Variants in CFAP161 observed in about 807,000 individuals in gnomAD.
The protein encoded by CFAP161 is cilia and flagella associated protein 161.
CFAP161 carries 25 observed loss-of-function variants against 29.0 expected under a neutral mutation model. The ratio of observed to expected loss-of-function variants is 0.86; its 90% CI spans 0.63 to 1.20. CFAP161 has a LOEUF of 1.20. Ranked by LOEUF, CFAP161 falls within the 50% of genes most tolerant of loss-of-function variation. The probability of loss-of-function intolerance (pLI) is 0.00; values close to 1 mark genes in which losing one functional copy is unlikely to be tolerated. For missense variants in CFAP161, 367 were observed against 371.9 expected, an observed-to-expected ratio of 0.99 and a Z score of 0.11; for synonymous variants, 116 against 137.4, an observed-to-expected ratio of 0.84 and a Z score of 1.09.
intron 1 of CFAP161, among the ~76,000 whole-genome samples, chr15:81,122,906 C>A (rs1373996349): frequency 6.6e-6 from 1 of 151,870 alleles, no homozygotes; most frequent in East Asian, 1.9e-4. Flanking sequence ...CTTGTAAGTT[C>A]TCGATTAAGT....
upstream of CFAP161, among the ~76,000 whole-genome samples, chr15:81,131,958 TA>T (rs368464268): frequency 1.9e-4 from 29 of 152,142 alleles, no homozygotes; most frequent in Non-Finnish European, 3.5e-4. Context: ...AAAATAAGAT[TA>T]ATAGCTGATT....
rs186736910 is a variant in CFAP161 at position 81,143,583 on chromosome 15, C to T, written c.478-79C>T. 29 of 1,458,116 alleles carry T rather than the reference C, an allele frequency of 2.0e-5. No individual in the cohort carries two copies. The Admixed American group carries it at 3.9e-4, about 20-fold the overall frequency. 90.3% of individuals were successfully genotyped at this position (1,458,116 alleles called of 1,614,324 possible). On this transcript the variant is annotated intron_variant, in intron 4 of 6. Coordinates refer to ENST00000286732, the MANE Select transcript of CFAP161 (RefSeq NM_173528.4). Reference sequence around the variant, plus strand: ...GAACTGCTTTGAATGTGCTTGCCGTCCAGCCAGTCAATTGCTTCTTTATTC... The same window carrying T: ...GAACTGCTTTGAATGTGCTTGCCGTTCAGCCAGTCAATTGCTTCTTTATTC...
intron 1 of CFAP161, among the ~76,000 whole-genome samples, chr15:81,110,337 TCA>T (rs369828449): frequency 2.0e-3 from 298 of 152,228 alleles, no homozygotes; most frequent in African/African-American, 6.8e-3. Flanking sequence ...AACGAAAATA[TCA>T]GTTAAAGGTC....
rs199789346 is a variant in CFAP161, at chr15:81,112,194, GT to G, written c.-141-15384del. ...AGCCGAGTGAAAGGAGCTTCAATCTGTTTTTTTTTTTTCTTTACTACACTGT... is the reference window on the plus strand; with the variant it reads ...AGCCGAGTGAAAGGAGCTTCAATCTGTTTTTTTTTTTCTTTACTACACTGT... On this transcript the variant is annotated intron_variant, in intron 1 of 4. Coordinates refer to the CFAP161 transcript ENST00000560091. Among the ~76,000 whole-genome samples, 1,183 of 144,520 alleles carry G rather than the reference GT, an allele frequency of 8.2e-3. 7 individuals are homozygous for G. The highest frequency in any genetic ancestry group is 0.02 in the African/African-American group (810 of 39,962). The allele number at this position is 144,520 out of a possible 152,430, so 94.8% of individuals were successfully genotyped here. A position where few individuals can be genotyped will look rare whatever the true frequency, so the allele number is the denominator to read the frequency against.
chr15:81,134,199 T>G, upstream of CFAP161: 1 of 1,119,832 alleles, frequency 8.9e-7, no homozygotes, highest in South Asian at 1.6e-5. Context: ...AGGGCGAGGG[T>G]GCGCGCTGTC....
At chr15:81,138,449 A>G (rs1185084011) in intron 4 of CFAP161, among the ~76,000 whole-genome samples, 1 of 152,284 alleles carries the variant, frequency 6.6e-6, no homozygotes, top group Non-Finnish European at 1.5e-5. Flanking sequence ...GAATTCATTA[A>G]TAACCATCTG....
chr15:81,100,777 A>G (rs576321857), intron 1 of CFAP161, among the ~76,000 whole-genome samples: 5 of 151,382 alleles, frequency 3.3e-5, no homozygotes, highest in Non-Finnish European at 1.5e-5. Flanking sequence ...GGTTCAGGCA[A>G]TCCTCCTGCC....
intron 1 of CFAP161, among the ~76,000 whole-genome samples, chr15:81,102,510 A>T (rs904931995): frequency 1.3e-5 from 2 of 152,160 alleles, no homozygotes; most frequent in South Asian, 2.1e-4. Context: ...CTCTACAAAA[A>T]AAAAAATAAA....
intron 1 of CFAP161, among the ~76,000 whole-genome samples, chr15:81,112,056 A>T (rs1894445098): frequency 6.6e-6 from 1 of 152,188 alleles, no homozygotes; most frequent in Non-Finnish European, 1.5e-5. Flanking sequence ...TTTCACACCT[A>T]TTAACATATT....
At chr15:81,129,983 T>A (rs1238831019), upstream of CFAP161, among the ~76,000 whole-genome samples, 1 of 152,082 alleles carries the variant, frequency 6.6e-6, no homozygotes, top group Admixed American at 6.6e-5. Flanking sequence ...AATCTGTTGT[T>A]TAGTGCAGCC....
intron 1 of CFAP161, among the ~76,000 whole-genome samples, chr15:81,112,936 C>T (rs1163565892): frequency 6.6e-6 from 1 of 152,126 alleles, no homozygotes; most frequent in Non-Finnish European, 1.5e-5. Flanking sequence ...AATTGCACAG[C>T]ATCCAATAAT....
rs1895052855 is a variant in CFAP161, at chr15:81,148,643, ACT to A, written c.*115_*116del. The A allele has an allele frequency of 2.0e-6, 2 of 992,264 alleles. No homozygotes were observed. The highest frequency in any genetic ancestry group is 2.9e-6 in the Non-Finnish European group (2 of 690,902). The allele number at this position is 992,264 out of a possible 1,614,324, so 61.5% of individuals were successfully genotyped here. On this transcript the variant is annotated 3_prime_UTR_variant, in exon 7 of 7. Transcript: ENST00000286732. Reference sequence around the variant, plus strand: ...AAGCTATTTTTGAATCAGATGTGGGACTCTCTGGGCACTATATTAAAATAAAG... The same window carrying A: ...AAGCTATTTTTGAATCAGATGTGGGACTCTGGGCACTATATTAAAATAAAG...
At chr15:81,131,002 A>G (rs1239020854), upstream of CFAP161, among the ~76,000 whole-genome samples, 1 of 152,186 alleles carries the variant, frequency 6.6e-6, no homozygotes, top group African/African-American at 2.4e-5. Context: ...CATAATAGAT[A>G]TAATAATAAG....
chr15:81,112,237 C>T (rs1894447636), intron 1 of CFAP161, among the ~76,000 whole-genome samples: 1 of 151,132 alleles, frequency 6.6e-6, no homozygotes, highest in African/African-American at 2.4e-5. Context: ...TTACATTTGT[C>T]ATCCAACAAG....
chr15:81,133,215 ATATATATATGTATTTT>A (rs1182247274), upstream of CFAP161, among the ~76,000 whole-genome samples: 17 of 33,380 alleles, frequency 5.1e-4, no homozygotes, highest in Middle Eastern at 0.014. Context: ...ATATATATAT[ATATATATATGTATTTT>A]TTTTTAAATT....
intron 4 of CFAP161, among the ~76,000 whole-genome samples, chr15:81,141,077 G>A (rs1240867806): frequency 6.6e-6 from 1 of 152,124 alleles, no homozygotes; most frequent in Non-Finnish European, 1.5e-5. Flanking sequence ...TTCTGCCCCT[G>A]TGGGGAAAAG....
intron 1 of CFAP161, among the ~76,000 whole-genome samples, chr15:81,107,505 C>T (rs1894386745): frequency 6.6e-6 from 1 of 152,172 alleles, no homozygotes; most frequent in African/African-American, 2.4e-5. Flanking sequence ...GTGGGCGGAT[C>T]ACCTGAGGTC....
At chr15:81,100,983 G>T (rs1190260390) in intron 1 of CFAP161, among the ~76,000 whole-genome samples, 2 of 152,180 alleles carry the variant, frequency 1.3e-5, no homozygotes, top group Non-Finnish European at 2.9e-5. Context: ...AACTTGGCTG[G>T]CTTGAGGAAG....
rs1248426380 is a variant in CFAP161, at chr15:81,148,717, A to G, written c.*184A>G. Reference sequence around the variant, plus strand: ...TTGTGGTGGGAGTCTAGGGCTGAAGAAAAACAGCTCTGGAGAATAATTAGT... The same window carrying G: ...TTGTGGTGGGAGTCTAGGGCTGAAGGAAAACAGCTCTGGAGAATAATTAGT... On this transcript the variant is annotated 3_prime_UTR_variant, in exon 7 of 7. Transcript: ENST00000286732. The G allele has an allele frequency of 1.2e-5, 6 of 494,108 alleles. No individual in the cohort carries two copies. The highest frequency in any genetic ancestry group is 1.9e-5 in the African/African-American group (1 of 52,188). 30.6% of individuals were successfully genotyped at this position (494,108 alleles called of 1,614,324 possible). A position where few individuals can be genotyped will look rare whatever the true frequency, so the allele number is the denominator to read the frequency against.
Sources: gnomAD v4.1 joint callset for allele counts (sites outside exome capture counted in the v4.1 genomes callset) on GRCh38, gnomAD v4.1.1 for gene constraint, MANE v1.5 for transcripts, NCBI Gene and HGNC (gene_info 2026-07-23, HGNC 2026-07-21) for gene names.